FLG: variants seen among roughly 807,000 people sequenced by gnomAD.
FLG encodes epidermal filaggrin.
In FLG, 6 loss-of-function variants were observed where a neutral mutation model predicts 3.8. That is an observed-to-expected ratio of 1.60 (90% CI 0.87 to 3.15). The LOEUF is 3.15. Ranked by LOEUF, FLG falls within the 30% of genes most tolerant of loss-of-function variation. FLG has a pLI of 0.00. For missense variants in FLG, 7,595 were observed against 5,050.9 expected (o/e 1.50, Z -15.27); for synonymous variants, 2,551 against 1,931.6 (o/e 1.32, Z -8.41).
rs780250653 is a variant in FLG at position 152,314,264 on chromosome 1, C to T, written c.622G>A (p.Glu208Lys). ...KRLSERLEEK[E>K]DNEEGVYDYE... ...TCATATACTCCTTCTTCATTGTCTT[C>T]TTTCTCTTCAAGTCTTTCACTTAGC... is the stretch of plus-strand genomic sequence containing the variant. The change falls in exon 3 of 3, where the codon GAA (glutamate) becomes AAA (lysine). Residue 208 changes from glutamate to lysine, a missense_variant. Transcript: ENST00000368799. 2 of 1,613,198 alleles carry T rather than the reference C, an allele frequency of 1.2e-6. No homozygotes were observed. Among genetic ancestry groups the T allele is most frequent in the African/African-American group, 2.7e-5 (2 of 74,808 alleles).
rs772211453 is a variant in FLG, at chr1:152,311,576, G to A, written c.3310C>T (p.Arg1104Cys). 3.8e-5 allele frequency: 61 copies of A among 1,613,914 alleles called. 1 individual carries two copies. The highest frequency in any genetic ancestry group is 1.9e-4 in the African/African-American group (14 of 74,892). ...PHQQSHQESA[R>C]DWSGGRSGRS... ...CCAGACCTTCCCCCTGACCAGTCACGTGCGGACTCTTGGTGGCTCTGCTGA... is the reference window on the plus strand; with the variant it reads ...CCAGACCTTCCCCCTGACCAGTCACATGCGGACTCTTGGTGGCTCTGCTGA... Residue 1104 changes from arginine to cysteine, a missense_variant, in exon 3 of 3, where the codon CGT becomes TGT. Transcript: ENST00000368799.
At position 152,307,650 on chromosome 1, in the gene FLG, C is replaced by A. The variant is rs760899479; in HGVS notation, c.7236G>T (p.Gly2412=). The A allele has an allele frequency of 1.9e-6, 3 of 1,613,338 alleles. No homozygotes were observed. Among genetic ancestry groups the A allele is most frequent in the Admixed American group, 1.7e-5 (1 of 59,972 alleles). The change falls in exon 3 of 3, where the codon GGG becomes GGT. Residue 2412 remains glycine (G), a synonymous_variant. Transcript: ENST00000368799. ...GAGTGCTCACCTGGTAGAGGAAAGA[C>A]CCTGAACGTCCAGACCTTCCTGCTG... The part of the protein sequence containing the change: ...GRSAGRSGRS[G]SFLYQVSTHE...
At chr1:152,322,132 C>T (rs1388039344) in intron 1 of FLG, among the ~76,000 whole-genome samples, 1 of 150,584 alleles carries the variant, frequency 6.6e-6, no homozygotes, top group Non-Finnish European at 1.5e-5. Flanking sequence ...AATGTCATAG[C>T]AAAAATTATA....
In FLG at chr1:152,302,701, T is replaced by TA; in HGVS notation, c.12184dup (p.Ter4062LeufsTer4). ...ATTAATTCCTTTGCCATTAATTTCT[T>TA]ACTCATAGTAATAGTATCTCTGTGA... On this transcript the variant is annotated frameshift_variant and stop_lost, in exon 3 of 3. Transcript: ENST00000368799. LOFTEE classifies it high-confidence loss of function. 1 of 1,613,422 alleles carries TA rather than the reference T, an allele frequency of 6.2e-7. No homozygotes were observed. Among genetic ancestry groups the TA allele is most frequent in the Non-Finnish European group, 8.5e-7 (1 of 1,179,462 alleles).
chr1:152,304,367 G>C lies in FLG; in HGVS notation c.10519C>G (p.His3507Asp), dbSNP rs536479195. ...CTGTCCGCCTGAGTGGAAGCTTCAT[G>C]GTGATGCGACCATGAGTGCCTGGAG... ...DGSRHSWSHH[H>D]EASTQADSSR... The change falls in exon 3 of 3, where the codon CAT becomes GAT. Residue 3507 changes from histidine (H) to aspartate (D), a missense_variant. His to Asp is a moderately conservative substitution (Grantham distance 81, BLOSUM62 -1). Transcript: ENST00000368799. 1.9e-6 allele frequency: 3 copies of C among 1,611,634 alleles called. No homozygotes were observed. The East Asian group carries it at 6.7e-5, about 36-fold the overall frequency.
intron 1 of FLG, 115 bp from the exon 2 acceptor site, chr1:152,315,592 A>G (rs1159467241): frequency 2.7e-6 from 2 of 745,276 alleles, no homozygotes; most frequent in Non-Finnish European, 4.2e-6. Context: ...TCCATCTTTA[A>G]GAATGGAAGA....
Position 152,313,699 on chromosome 1 carries a change from C to T in FLG, c.1187G>A (p.Arg396Lys), listed in dbSNP as rs767092682. The T allele has an allele frequency of 1.9e-6, 3 of 1,613,978 alleles. No individual in the cohort carries two copies. The highest frequency in any genetic ancestry group is 2.2e-5 in the East Asian group (1 of 44,890). The change falls in exon 3 of 3, where the codon AGA becomes AAA. Residue 396 changes from arginine (R) to lysine (K), a missense_variant. By Grantham distance (26) the Arg-to-Lys change is conservative. Transcript: ENST00000368799. The part of the protein sequence containing the change: ...SGHQQSADSS[R>K]HSATGRGQAS... ...TTGCCCGCGCCCAGTGGCTGAGTGT[C>T]TGGAGCTGTCTGCTGACTGCTGGTG...
intron 1 of FLG, among the ~76,000 whole-genome samples, chr1:152,318,468 C>G (rs1038653478): frequency 6.6e-6 from 1 of 151,694 alleles, no homozygotes; most frequent in African/African-American, 2.4e-5. Flanking sequence ...ATTCCTCTTA[C>G]CCATTGAATG....
In FLG at chr1:152,310,922, A is replaced by G; in HGVS notation, c.3964T>C (p.Ser1322Pro). The G allele has an allele frequency of 1.2e-6, 2 of 1,613,954 alleles. No homozygotes were observed. The highest frequency in any genetic ancestry group is 1.7e-6 in the Non-Finnish European group (2 of 1,179,996). ...CCTGATTGTCTGGAGCTGTCTGCAG[A>G]GTGCCCGTGACTGGCTCTGTCTTCT... Reference protein sequence around the residue: ...HQEDRASHGHSADSSRQSGTH... With the variant: ...HQEDRASHGHPADSSRQSGTH... Residue 1322 changes from serine (S) to proline (P), a missense_variant, in exon 3 of 3, where the codon TCT (serine) becomes CCT (proline). Ser to Pro is a moderately conservative substitution (Grantham distance 74). Coordinates refer to ENST00000368799, the MANE Select transcript of FLG (RefSeq NM_002016.2).
chr1:152,308,755 G>T lies in FLG; in HGVS notation c.6131C>A (p.Ala2044Asp). ...SGHRGYSGSQ[A>D]SDSEGHSEDS... Reference sequence around the variant, plus strand: ...TTCTGAATGTCCCTCACTGTCACTGGCCTGACTACCACTGTACCCTCGGTG... The same window carrying T: ...TTCTGAATGTCCCTCACTGTCACTGTCCTGACTACCACTGTACCCTCGGTG... The change falls in exon 3 of 3, where the codon GCC becomes GAC. Residue 2044 changes from alanine (A) to aspartate (D), a missense_variant. By Grantham distance (126) the Ala-to-Asp change is moderately radical. Transcript: ENST00000368799. 1 of 1,614,078 alleles carries T rather than the reference G, an allele frequency of 6.2e-7. No homozygotes were observed. The highest frequency in any genetic ancestry group is 8.5e-7 in the Non-Finnish European group (1 of 1,179,990).
Position 152,308,008 on chromosome 1 carries a change from C to G in FLG, c.6878G>C (p.Gly2293Ala). ...RSHHEDRAGHGHSAESSRQSG... is the reference protein window; with the variant it reads ...RSHHEDRAGHAHSAESSRQSG... ...TTGTCTGGAGCTCTCTGCAGAGTGC[C>G]CATGACCGGCTCTGTCTTCGTGATG... Residue 2293 changes from glycine to alanine, a missense_variant, in exon 3 of 3, where the codon GGG (glycine) becomes GCG (alanine). Physicochemically the swap from Gly to Ala is moderately conservative, Grantham distance 60 (BLOSUM62 0). Transcript: ENST00000368799. The G allele has an allele frequency of 1.9e-6, 3 of 1,614,186 alleles. No individual in the cohort carries two copies. The highest frequency in any genetic ancestry group is 2.5e-6 in the Non-Finnish European group (3 of 1,180,038).
In FLG at chr1:152,304,382, A is replaced by G. The variant is rs150047484; in HGVS notation, c.10504T>C (p.Ser3502Pro). Residue 3502 changes from serine to proline, a missense_variant, in exon 3 of 3, where the codon TCA (serine) becomes CCA (proline). Ser to Pro is a moderately conservative substitution (Grantham distance 74). Coordinates refer to ENST00000368799, the MANE Select transcript of FLG (RefSeq NM_002016.2). ...DEQSGDGSRH[S>P]WSHHHEASTQ... ...GAAGCTTCATGGTGATGCGACCATG[A>G]GTGCCTGGAGCCATCTCCTGATTGT... is the stretch of plus-strand genomic sequence containing the variant. The G allele has an allele frequency of 3.0e-5, 49 of 1,611,502 alleles. No individual in the cohort carries two copies. The African/African-American group carries it at 6.2e-4, about 20-fold the overall frequency.
Position 152,314,138 on chromosome 1 carries a change from G to C in FLG, c.748C>G (p.Leu250Val). 2 of 1,614,056 alleles carry C rather than the reference G, an allele frequency of 1.2e-6. No individual in the cohort carries two copies. Among genetic ancestry groups the C allele is most frequent in the Non-Finnish European group, 1.7e-6 (2 of 1,179,934 alleles). ...TCATATATTTTGTTTTCTTCTAATA[G>C]ACTATCAGTGGTGTCATAGGCTTCA... ...QDEAYDTTDS[L>V]LEENKIYERS... Residue 250 changes from leucine to valine, a missense_variant, in exon 3 of 3, where the codon CTA becomes GTA. Coordinates refer to ENST00000368799, the MANE Select transcript of FLG (RefSeq NM_002016.2).
Position 152,306,251 on chromosome 1 carries a change from C to G in FLG, c.8635G>C (p.Glu2879Gln), listed in dbSNP as rs148926091. 1.1e-3 allele frequency: 1,720 copies of G among 1,604,858 alleles called. No homozygotes were observed. The highest frequency in any genetic ancestry group is 1.4e-3 in the Non-Finnish European group (1,659 of 1,179,710). Residue 2879 changes from glutamate (E) to glutamine (Q), a missense_variant, in exon 3 of 3, where the codon GAG becomes CAG. Coordinates refer to ENST00000368799, the MANE Select transcript of FLG (RefSeq NM_002016.2). ...TGGCGCCTGCTTCTCCTGGACCCCT[C>G]TGATTGTCCCTGGACTGCCTGTGAG... ...RHSQAVQGQSEGSRRSRRQGS... is the reference protein window; with the variant it reads ...RHSQAVQGQSQGSRRSRRQGS...
rs2485517 is a variant in FLG, at chr1:152,315,408, G to T, written c.49C>A (p.Gln17Lys). The stretch of plus-strand genomic sequence containing the variant: ...GTGTTTTTATCTTTTTTTGAATATT[G>T]CTTGAAAAGATTAATTATGGCAAAG... ...NIFAIINLFK[Q>K]YSKKDKNTDT... The change falls in exon 2 of 3, where the codon CAA becomes AAA. Residue 17 changes from glutamine (Q) to lysine (K), a missense_variant. Transcript: ENST00000368799. 5 of 1,610,794 alleles carry T rather than the reference G, an allele frequency of 3.1e-6. No individual in the cohort carries two copies. Among genetic ancestry groups the T allele is most frequent in the Non-Finnish European group, 4.2e-6 (5 of 1,178,120 alleles).
Position 152,307,416 on chromosome 1 carries a change from A to G in FLG, c.7470T>C (p.Ser2490=), listed in dbSNP as rs200423034. The G allele has an allele frequency of 6.8e-5, 110 of 1,612,964 alleles. 1 individual carries two copies. In the East Asian group the frequency reaches 1.5e-3, roughly 21 times the overall value. Residue 2490 remains serine (S), a synonymous_variant, in exon 3 of 3, where the codon TCT becomes TCC. Transcript: ENST00000368799. ...QLVDRSGHSG[S]HHSHTTSQGR... Reference sequence around the variant, plus strand: ...CCTGGGATGTGGTGTGGCTGTGATGAGACCCTGAGTGTCCAGATCTATCTA... The same window carrying G: ...CCTGGGATGTGGTGTGGCTGTGATGGGACCCTGAGTGTCCAGATCTATCTA...
chr1:152,322,054 A>C (rs1050362028), intron 1 of FLG, among the ~76,000 whole-genome samples: 1 of 151,254 alleles, frequency 6.6e-6, no homozygotes, highest in African/African-American at 2.4e-5. Flanking sequence ...TGAACCTCTC[A>C]ATAGATGAAA....
Position 152,304,493 on chromosome 1 carries a change from T to A in FLG, c.10393A>T (p.Ser3465Cys). 1 of 1,612,902 alleles carries A rather than the reference T, an allele frequency of 6.2e-7. No individual in the cohort carries two copies. Among genetic ancestry groups the A allele is most frequent in the Non-Finnish European group, 8.5e-7 (1 of 1,179,670 alleles). ...GACCTTCCCTGGGATGTGGTGTGGC[T>A]GTGATGGGACCCTGAGTGTCCAGAC... ...DRSGHSGSHH[S>C]HTTSQGRSDA... The change falls in exon 3 of 3, where the codon AGC becomes TGC. Residue 3465 changes from serine to cysteine, a missense_variant. Physicochemically the swap from Ser to Cys is moderately radical, Grantham distance 112. Coordinates refer to ENST00000368799, the MANE Select transcript of FLG (RefSeq NM_002016.2).
Position 152,302,655 on chromosome 1 carries a change from G to T in FLG, c.*45C>A, listed in dbSNP as rs1370595329. 2 of 1,606,992 alleles carry T rather than the reference G, an allele frequency of 1.2e-6. No homozygotes were observed. Among genetic ancestry groups the T allele is most frequent in the African/African-American group, 1.3e-5 (1 of 74,746 alleles). On this transcript the variant is annotated 3_prime_UTR_variant, in exon 3 of 3. Coordinates refer to ENST00000368799, the MANE Select transcript of FLG (RefSeq NM_002016.2). Reference sequence around the variant, plus strand: ...AAGTTTCTTGATTGAAAGTGAACTTGCTTCATTCTTCTATTCTTGGATTAA... The same window carrying T: ...AAGTTTCTTGATTGAAAGTGAACTTTCTTCATTCTTCTATTCTTGGATTAA...
Sources: allele counts gnomAD v4.1 joint callset (sites outside exome capture counted in the v4.1 genomes callset), GRCh38; gene constraint gnomAD v4.1.1; transcripts MANE v1.5; gene names NCBI Gene and HGNC (gene_info 2026-07-23, HGNC 2026-07-21).